The following DNAH7 variants were observed in gnomAD, a reference collection of about 807,000 sequenced individuals.
DNAH7 encodes the protein axonemal beta dynein heavy chain 7.
Under a neutral mutation model 444.6 loss-of-function variants are expected in DNAH7, and 397 were observed. The ratio of observed to expected loss-of-function variants is 0.89; its 90% confidence interval spans 0.82 to 0.97. The LOEUF is 0.97. Among genes scored for constraint, DNAH7 ranks in the 50% least tolerant of loss-of-function variants. The pLI is 0.00. For synonymous variants in DNAH7, 1,636 were observed against 1,624.4 expected, an observed-to-expected ratio of 1.01 and a Z score of -0.17; for missense variants, 4,902 against 4,800.8, an observed-to-expected ratio of 1.02 and a Z score of -0.62.
Position 195,987,177 on chromosome 2 carries a change from A to G in DNAH7, c.1643T>C (p.Met548Thr). 6.3e-7 allele frequency: 1 copy of G among 1,595,188 alleles called. No homozygotes were observed. Among genetic ancestry groups the G allele is most frequent in the Non-Finnish European group, 8.5e-7 (1 of 1,172,184 alleles). ...YTSIKTIRLG[M>T]FEMHCEELIR... The stretch of plus-strand genomic sequence containing the variant: ...TAATTCCTCACAGTGCATTTCAAAC[A>G]TTCCTAAACGAATAGTCTGCAAAAG... The change falls in exon 14 of 65, where the codon ATG (methionine) becomes ACG (threonine). Residue 548 changes from methionine (M) to threonine (T), a missense_variant. Physicochemically the swap from Met to Thr is moderately conservative, Grantham distance 81 (BLOSUM62 -1). Transcript: ENST00000312428.
At chr2:196,037,264 G>C (rs531123040) in intron 5 of DNAH7, among the ~76,000 whole-genome samples, 1 of 152,094 alleles carries the variant, frequency 6.6e-6, no homozygotes, top group South Asian at 2.1e-4. Flanking sequence ...TCCTATGGAA[G>C]CTGCTTCATA....
At chr2:195,877,720 G>A (rs1009932288) in intron 36 of DNAH7, among the ~76,000 whole-genome samples, 1 of 152,178 alleles carries the variant, frequency 6.6e-6, no homozygotes, top group Middle Eastern at 3.2e-3. Context: ...TAGAAAATAA[G>A]GAAGACGTAG....
In DNAH7 at chr2:195,995,457, G is replaced by A. The variant is rs1270784036; in HGVS notation, c.1353+5247C>T. 8 of 379,780 alleles carry A rather than the reference G, an allele frequency of 2.1e-5. No homozygotes were observed. The Admixed American group carries it at 2.5e-4, about 12-fold the overall frequency. The allele number at this position is 379,780 out of a possible 1,614,324, so 23.5% of individuals were successfully genotyped here. ...AGGACTATCTGGACTTCATAGAGCA[G>A]CTCTTCTTTTGCCCTCAGGGGTTTT... On this transcript the variant is annotated intron_variant, in intron 12 of 64. Transcript: ENST00000312428.
chr2:195,817,006 T>A, intron 50 of DNAH7, 43 bp from the exon 51 acceptor site: 1 of 1,399,690 alleles, frequency 7.1e-7, no homozygotes, highest in Non-Finnish European at 9.7e-7. Flanking sequence ...AGAAGTCATT[T>A]AAAATCATTT....
rs1699776909 is a variant in DNAH7 at position 195,857,448 on chromosome 2, T to C, written c.8343A>G (p.Glu2781=). The change falls in exon 44 of 65, where the codon GAA becomes GAG. Residue 2781 remains glutamate (E), a synonymous_variant. Coordinates refer to ENST00000312428, the MANE Select transcript of DNAH7 (RefSeq NM_018897.3). ...NYIPNPDFVP[E]KIRNASTAAE... Reference sequence around the variant, plus strand: ...CCGCTGTAGAAGCATTTCTGATTTTTTCTGGTACAAAATCTGGATTTGGAA... The same window carrying C: ...CCGCTGTAGAAGCATTTCTGATTTTCTCTGGTACAAAATCTGGATTTGGAA... 1 of 1,612,942 alleles carries C rather than the reference T, an allele frequency of 6.2e-7. No individual in the cohort carries two copies. The highest frequency in any genetic ancestry group is 8.5e-7 in the Non-Finnish European group (1 of 1,179,740).
rs547155315 is a variant in DNAH7, at chr2:195,814,116, T to C, written c.9761+2512A>G. 2.6e-5 allele frequency among the ~76,000 whole-genome samples: 4 copies of C among 152,348 alleles called. No individual in the cohort carries two copies. In the South Asian group the frequency reaches 8.3e-4, roughly 32 times the overall value. On this transcript the variant is annotated intron_variant, in intron 51 of 64. Transcript: ENST00000312428. Reference sequence around the variant, plus strand: ...ATGTTCTGTGTCTTGAGTTAGGTGCTGGTTACACAGGTTTGCTCACTTATG... The same window carrying C: ...ATGTTCTGTGTCTTGAGTTAGGTGCCGGTTACACAGGTTTGCTCACTTATG...
intron 61 of DNAH7, among the ~76,000 whole-genome samples, chr2:195,763,114 G>A (rs1156726354): frequency 6.6e-6 from 1 of 152,082 alleles, no homozygotes; most frequent in Non-Finnish European, 1.5e-5. Flanking sequence ...GAAGACCAGT[G>A]AATCAATGAA....
intron 24 of DNAH7, among the ~76,000 whole-genome samples, chr2:195,921,352 TACACACACACACACACACACAC>T (rs140152411): frequency 1.4e-5 from 2 of 140,462 alleles, no homozygotes; most frequent in South Asian, 4.9e-4. Context: ...AAATGTGGTG[TACACACACACACACACACACAC>T]ACACACACAC....
At chr2:195,915,625 C>G (rs1687629567) in intron 24 of DNAH7, among the ~76,000 whole-genome samples, 1 of 152,140 alleles carries the variant, frequency 6.6e-6, no homozygotes, top group Non-Finnish European at 1.5e-5. Context: ...ATCAAAACTT[C>G]TAATTTCTCA....
intron 5 of DNAH7, among the ~76,000 whole-genome samples, chr2:196,043,052 C>T (rs1696868853): frequency 6.6e-6 from 1 of 152,020 alleles, no homozygotes; most frequent in African/African-American, 2.4e-5. Flanking sequence ...CTGGGGCAAC[C>T]AGTGGGCAAG....
intron 15 of DNAH7, among the ~76,000 whole-genome samples, chr2:195,984,327 CATT>C (rs909818589): frequency 2.0e-5 from 3 of 152,070 alleles, no homozygotes; most frequent in Non-Finnish European, 2.9e-5. Context: ...TTTTGAAAGT[CATT>C]ATTATTTTTT....
chr2:195,816,691 C>T lies in DNAH7; in HGVS notation c.9698G>A (p.Trp3233Ter), dbSNP rs370052371. 4 of 1,613,824 alleles carry T rather than the reference C, an allele frequency of 2.5e-6. No individual in the cohort carries two copies. Among genetic ancestry groups the T allele is most frequent in the African/African-American group, 2.7e-5 (2 of 74,880 alleles). ...AGACAGGATGAAAAGGTTAATAAAC[C>T]AGGTCAGTGAATACTGGTACATGGG... ...IEPMYQYSLT[W>*]FINLFILSIE... Residue 3233 changes from tryptophan to a stop codon, truncating the protein, a stop_gained, in exon 51 of 65, where the codon TGG becomes TAG. Coordinates refer to ENST00000312428, the MANE Select transcript of DNAH7 (RefSeq NM_018897.3). LOFTEE classifies it high-confidence loss of function.
rs16843720 is a variant in DNAH7, at chr2:196,000,744, C to T, written c.1313G>A (p.Ser438Asn). The T allele has an allele frequency of 4.2e-3, 6,704 of 1,590,374 alleles. 260 individuals are homozygous for T. In the African/African-American group the frequency reaches 0.082, roughly 20 times the overall value. ...TTTTGTCTCAACTCTTGGCACAAAACTGACAGCTTTAATCATGACGTCATA... is the reference window on the plus strand; with the variant it reads ...TTTTGTCTCAACTCTTGGCACAAAATTGACAGCTTTAATCATGACGTCATA... ...NVYDVMIKAV[S>N]FVPRVETKLY... Residue 438 changes from serine (S) to asparagine (N), a missense_variant, in exon 12 of 65, where the codon AGT becomes AAT. Physicochemically the swap from Ser to Asn is conservative, Grantham distance 46. Coordinates refer to ENST00000312428, the MANE Select transcript of DNAH7 (RefSeq NM_018897.3).
chr2:195,998,297 G>C (rs191064878), intron 12 of DNAH7, among the ~76,000 whole-genome samples: 3 of 152,078 alleles, frequency 2.0e-5, no homozygotes, highest in Non-Finnish European at 4.4e-5. Flanking sequence ...AGTTATGGCT[G>C]GGTGCGGTGG....
At chr2:195,843,766 T>C (rs755828010) in intron 47 of DNAH7, among the ~76,000 whole-genome samples, 3 of 152,164 alleles carry the variant, frequency 2.0e-5, no homozygotes, top group Non-Finnish European at 4.4e-5. Context: ...AATAAATGTG[T>C]TCACCAGAGT....
intron 19 of DNAH7, among the ~76,000 whole-genome samples, chr2:195,956,399 C>G (rs1690657103): frequency 6.6e-6 from 1 of 152,064 alleles, no homozygotes. Context: ...GCCTGCAATC[C>G]CAGCATTTTG....
At chr2:195,989,917 T>A (rs573045116) in intron 12 of DNAH7, among the ~76,000 whole-genome samples, 1 of 152,218 alleles carries the variant, frequency 6.6e-6, no homozygotes, top group African/African-American at 2.4e-5. Flanking sequence ...TGCAGCATCA[T>A]AAGCCAATTA....
At chr2:195,867,658 G>A (rs1355021707) in intron 40 of DNAH7, among the ~76,000 whole-genome samples, 1 of 152,096 alleles carries the variant, frequency 6.6e-6, no homozygotes, top group African/African-American at 2.4e-5. Context: ...GCTTATTCTG[G>A]ATATATGATA....
intron 17 of DNAH7, among the ~76,000 whole-genome samples, chr2:195,969,431 C>T (rs745786709): frequency 2.6e-5 from 4 of 152,096 alleles, no homozygotes; most frequent in African/African-American, 4.8e-5. Context: ...TCTTATATGG[C>T]AAAGGGTATG....
Sources: gnomAD v4.1 joint callset for allele counts (sites outside exome capture counted in the v4.1 genomes callset) on GRCh38, gnomAD v4.1.1 for gene constraint, MANE v1.5 for transcripts, NCBI Gene and HGNC (gene_info 2026-07-23, HGNC 2026-07-21) for gene names.